Variants in ATP2C2 observed in about 807,000 individuals in gnomAD.
ATP2C2 encodes calcium-transporting ATPase type 2C member 2.
A neutral mutation model predicts 110.8 loss-of-function variants in ATP2C2; 171 were observed. The observed-to-expected ratio is 1.54, with a 90% CI of 1.36 to 1.75. The LOEUF is 1.75. Ranked by LOEUF, ATP2C2 falls within the 40% of genes most tolerant of loss-of-function variation. The pLI is 0.00. For synonymous variants in ATP2C2, 804 were observed against 508.4 expected, an observed-to-expected ratio of 1.58 and a Z score of -7.82; for missense variants, 1,963 against 1,235.0, an observed-to-expected ratio of 1.59 and a Z score of -8.84.
intron 15 of ATP2C2, among the ~76,000 whole-genome samples, chr16:84,444,060 A>C (rs959765525): frequency 1.4e-5 from 2 of 145,304 alleles, no homozygotes; most frequent in Non-Finnish European, 3.0e-5. Context: ...CCAGCTACTC[A>C]GGAGGCTGAG....
chr16:84,422,578 C>G, intron 8 of ATP2C2, 39 bp downstream of exon 8: 2 of 1,611,632 alleles, frequency 1.2e-6, no homozygotes, highest in Non-Finnish European at 1.7e-6. Flanking sequence ...CTCCCGTAAC[C>G]CACAGGCTCC....
intron 2 of ATP2C2, chr16:84,404,347 C>G (rs1905561698): frequency 6.4e-6 from 1 of 155,594 alleles, no homozygotes; most frequent in Non-Finnish European, 1.4e-5. Flanking sequence ...ACTCCCCATT[C>G]CCTCTCCCTC....
chr16:84,427,022 A>C (rs1907867379), intron 11 of ATP2C2, among the ~76,000 whole-genome samples: 1 of 152,156 alleles, frequency 6.6e-6, no homozygotes, highest in African/African-American at 2.4e-5. Context: ...ATTGTCACTA[A>C]CTGGGTATGT....
At chr16:84,452,397 G>A (rs1910368244) in intron 18 of ATP2C2, among the ~76,000 whole-genome samples, 1 of 151,896 alleles carries the variant, frequency 6.6e-6, no homozygotes, top group Non-Finnish European at 1.5e-5. Context: ...GTTTCAGTCT[G>A]CCTTCTGCCT....
chr16:84,461,272 G>A (rs1469136041), intron 24 of ATP2C2: 1 of 286,096 alleles, frequency 3.5e-6, no homozygotes, highest in Non-Finnish European at 6.6e-6. Flanking sequence ...TGACCCATGT[G>A]ACCACACCAC....
chr16:84,403,285 C>T (rs1389071893), intron 2 of ATP2C2, among the ~76,000 whole-genome samples: 1 of 152,074 alleles, frequency 6.6e-6, no homozygotes, highest in African/African-American at 2.4e-5. Flanking sequence ...GGTAAATACA[C>T]AACATAAAAT....
At chr16:84,461,026 C>T in intron 24 of ATP2C2, 1 of 570,570 alleles carries the variant, frequency 1.8e-6, no homozygotes, top group East Asian at 3.1e-5. Context: ...ACTACAGAGG[C>T]CAGCGGGGTG....
chr16:84,408,591 G>A lies in ATP2C2; in HGVS notation c.417+97G>A, dbSNP rs1230601888. 8.3e-6 allele frequency: 8 copies of A among 960,780 alleles called. No individual in the cohort carries two copies. In the African/African-American group the frequency reaches 1.0e-4, roughly 12 times the overall value. The allele number at this position is 960,780 out of a possible 1,614,324, so 59.5% of individuals were successfully genotyped here. Reference sequence around the variant, plus strand: ...ATATAAAGAAAAAAAAGAGTTTGCTGTAGGGGGGAAAAAGGAGCATACAGA... The same window carrying A: ...ATATAAAGAAAAAAAAGAGTTTGCTATAGGGGGGAAAAAGGAGCATACAGA... On this transcript the variant is annotated intron_variant, in intron 4 of 26. Coordinates refer to ENST00000262429, the MANE Select transcript of ATP2C2 (RefSeq NM_014861.4).
At position 84,459,280 on chromosome 16, in the gene ATP2C2, G is replaced by T. The variant is rs373784599; in HGVS notation, c.2227G>T (p.Ala743Ser). ...VRFQLSTSISALSLITLSTVF... is the reference protein window; with the variant it reads ...VRFQLSTSISSLSLITLSTVF... ...GCGTGTGCCCCGCAGGAGCATCTCC[G>T]CCCTGAGTCTCATCACTCTGTCCAC... Residue 743 changes from alanine (A) to serine (S), a missense_variant, in exon 23 of 27, where the codon GCC becomes TCC. Ala to Ser is a moderately conservative substitution (Grantham distance 99, BLOSUM62 1). Transcript: ENST00000262429. 34 of 1,614,066 alleles carry T rather than the reference G, an allele frequency of 2.1e-5. No individual in the cohort carries two copies. The highest frequency in any genetic ancestry group is 1.6e-4 in the Middle Eastern group (1 of 6,084).
chr16:84,396,607 G>T (rs1398242914), intron 1 of ATP2C2, among the ~76,000 whole-genome samples: 1 of 150,796 alleles, frequency 6.6e-6, no homozygotes, highest in Non-Finnish European at 1.5e-5. Flanking sequence ...GTCACAAATG[G>T]CAAGGCTGAG....
intron 21 of ATP2C2, among the ~76,000 whole-genome samples, chr16:84,455,780 T>A (rs577494191): frequency 4.3e-4 from 65 of 151,518 alleles, no homozygotes; most frequent in African/African-American, 1.4e-3. Context: ...TAGATAGCTC[T>A]TATTATTTTG....
In ATP2C2 at chr16:84,442,599, G is replaced by T; in HGVS notation, c.1401G>T (p.Lys467Asn). ...GTGCATTGATGGCCCTGGCGATGAA[G>T]GTAGGAGGTCCTGGGGTGGCTCTGC... ...TEGALMALAM[K>N]MDLSDIKNSY... The change falls in exon 15 of 27, where the codon AAG (lysine) becomes AAT (asparagine). Residue 467 changes from lysine to asparagine, a missense_variant and splice_region_variant. Physicochemically the swap from Lys to Asn is moderately conservative, Grantham distance 94 (BLOSUM62 0). Transcript: ENST00000262429. 1 of 1,613,862 alleles carries T rather than the reference G, an allele frequency of 6.2e-7. No homozygotes were observed. Among genetic ancestry groups the T allele is most frequent in the Non-Finnish European group, 8.5e-7 (1 of 1,179,838 alleles).
At chr16:84,433,364 C>T (rs1908448651) in intron 11 of ATP2C2, among the ~76,000 whole-genome samples, 2 of 151,812 alleles carry the variant, frequency 1.3e-5, no homozygotes, top group African/African-American at 2.4e-5. Flanking sequence ...ACCTGGGCAA[C>T]ACAGCAAGAC....
rs550186689 is a variant in ATP2C2 at position 84,461,702 on chromosome 16, C to T, written c.2482-12C>T. On this transcript the variant is annotated splice_polypyrimidine_tract_variant and intron_variant, in intron 24 of 26. Coordinates refer to ENST00000262429, the MANE Select transcript of ATP2C2 (RefSeq NM_014861.4). ...TCCCGCCTAACCTCTCACCTTTGTG[C>T]TCACCTTCCAGATGCCTGAAGACAG... 3 of 1,611,750 alleles carry T rather than the reference C, an allele frequency of 1.9e-6. No homozygotes were observed. The highest frequency in any genetic ancestry group is 1.7e-5 in the Admixed American group (1 of 60,020).
chr16:84,417,377 G>A (rs1906934999), intron 7 of ATP2C2, among the ~76,000 whole-genome samples: 2 of 152,182 alleles, frequency 1.3e-5, no homozygotes, highest in African/African-American at 4.8e-5. Context: ...AGGGGCTGAT[G>A]TTGGTTTCCA....
chr16:84,387,270 C>T (rs1198919425), intron 1 of ATP2C2, among the ~76,000 whole-genome samples: 1 of 152,058 alleles, frequency 6.6e-6, no homozygotes, highest in Non-Finnish European at 1.5e-5. Flanking sequence ...GCCTGTAATC[C>T]CAGCGCGTTG....
intron 1 of ATP2C2, among the ~76,000 whole-genome samples, chr16:84,372,178 G>A (rs1320673962): frequency 6.6e-6 from 1 of 152,120 alleles, no homozygotes; most frequent in East Asian, 1.9e-4. Context: ...TCGTTGAAGG[G>A]TTTTAAGTCA....
rs368320406 is a variant in ATP2C2 at position 84,388,722 on chromosome 16, C to T, written c.100-9777C>T. ...ATTGATTCTCTCCAAAGGCATCGAT[C>T]CCAATAATTACGTGCCCTATATTGT... On this transcript the variant is annotated intron_variant, in intron 1 of 26. Transcript: ENST00000262429. Among the ~76,000 whole-genome samples the T allele has an allele frequency of 3.3e-4, 50 of 152,298 alleles. No homozygotes were observed. In the South Asian group the frequency reaches 9.1e-3, roughly 28 times the overall value.
chr16:84,380,464 C>G (rs1490512025), intron 1 of ATP2C2, among the ~76,000 whole-genome samples: 2 of 152,152 alleles, frequency 1.3e-5, no homozygotes, highest in Non-Finnish European at 2.9e-5. Flanking sequence ...CTTCACTCCC[C>G]CACTTTATGG....
Sources: allele counts gnomAD v4.1 joint callset (sites outside exome capture counted in the v4.1 genomes callset), GRCh38; gene constraint gnomAD v4.1.1; transcripts MANE v1.5; gene names NCBI Gene and HGNC (gene_info 2026-07-23, HGNC 2026-07-21).